The following SERPINE2 variants were observed in gnomAD, a reference collection of about 807,000 sequenced individuals.
SERPINE2 encodes glia-derived nexin.
SERPINE2 carries 14 observed loss-of-function variants against 36.3 expected under a neutral mutation model. The observed-to-expected ratio is 0.39, with a 90% CI of 0.25 to 0.60. SERPINE2 has a LOEUF of 0.60. Among genes scored for constraint, SERPINE2 ranks in the 20% least tolerant of loss-of-function variants. The pLI is 0.57. For synonymous variants in SERPINE2, 192 were observed against 191.8 expected (o/e 1.00, Z -0.01); for missense variants, 418 against 499.6 (o/e 0.84, Z 1.56).
At chr2:224,010,654 C>T (rs976456842) in intron 1 of SERPINE2, among the ~76,000 whole-genome samples, 14 of 152,196 alleles carry the variant, frequency 9.2e-5, no homozygotes, top group African/African-American at 3.1e-4. Flanking sequence ...AGGCAAGTCA[C>T]AATCTTCATC....
At chr2:223,999,565 T>G (rs567056309) in intron 2 of SERPINE2, among the ~76,000 whole-genome samples, 1 of 152,286 alleles carries the variant, frequency 6.6e-6, no homozygotes, top group Non-Finnish European at 1.5e-5. Context: ...TAGATGCCCA[T>G]GACCACACCT....
intron 2 of SERPINE2, 138 bp downstream of exon 2, chr2:224,001,504 C>CG: frequency 1.1e-6 from 1 of 940,488 alleles, no homozygotes; most frequent in East Asian, 2.6e-5. Context: ...AGACTGACCC[C>CG]AAGCCCCAAG....
At position 224,002,995 on chromosome 2, in the gene SERPINE2, A is replaced by G. The variant is rs144773984; in HGVS notation, c.-22-1073T>C. 9.3e-3 allele frequency among the ~76,000 whole-genome samples: 1,411 copies of G among 152,250 alleles called. 16 individuals are homozygous for G. Among genetic ancestry groups the G allele is most frequent in the African/African-American group, 0.031 (1,288 of 41,550 alleles). ...AATAAAGCATTTTCAGAAAAGGATA[A>G]AGAGCACAATGATAAAATACAGGGA... On this transcript the variant is annotated intron_variant, in intron 1 of 8. Transcript: ENST00000409304.
chr2:224,027,083 T>C (rs921584001), intron 1 of SERPINE2, among the ~76,000 whole-genome samples: 8 of 152,210 alleles, frequency 5.3e-5, no homozygotes, highest in Non-Finnish European at 8.8e-5. Flanking sequence ...ACCAGCTATG[T>C]GCCAACATTT....
At position 223,975,891 on chromosome 2, in the gene SERPINE2, G is replaced by A; in HGVS notation, c.1170C>T (p.Phe390=). 6.3e-7 allele frequency: 1 copy of A among 1,597,322 alleles called. No individual in the cohort carries two copies. The highest frequency in any genetic ancestry group is 8.6e-7 in the Non-Finnish European group (1 of 1,168,972). The change falls in exon 9 of 9, where the codon TTC becomes TTT. Residue 390 remains phenylalanine, a synonymous_variant. Coordinates refer to ENST00000409304, the MANE Select transcript of SERPINE2 (RefSeq NM_001136528.2). ...TTCAGGGTTTGTTTATCTGCCCCATGAATAACACAGCACCTACAGAATTAA... is the reference window on the plus strand; with the variant it reads ...TTCAGGGTTTGTTTATCTGCCCCATAAATAACACAGCACCTACAGAATTAA... ...IRHNPTGAVL[F]MGQINKP is the part of the protein sequence containing the mutation.
chr2:224,036,907 G>A (rs1019759431), intron 1 of SERPINE2, among the ~76,000 whole-genome samples: 4 of 152,152 alleles, frequency 2.6e-5, no homozygotes, highest in Non-Finnish European at 5.9e-5. Context: ...CAAGGAGAGA[G>A]AGGCACTGGG....
chr2:224,028,357 G>C (rs1383691523), intron 1 of SERPINE2, among the ~76,000 whole-genome samples: 1 of 152,200 alleles, frequency 6.6e-6, no homozygotes, highest in African/African-American at 2.4e-5. Flanking sequence ...AAAGCACAGA[G>C]AGGGAAGTAT....
chr2:223,986,726 C>T (rs984436054), intron 4 of SERPINE2, among the ~76,000 whole-genome samples: 1 of 152,090 alleles, frequency 6.6e-6, no homozygotes, highest in Admixed American at 6.6e-5. Context: ...GGAATGTGTT[C>T]AAGGGAGGAG....
chr2:223,989,995 G>C (rs1177021326), intron 4 of SERPINE2, among the ~76,000 whole-genome samples: 9 of 152,134 alleles, frequency 5.9e-5, no homozygotes, highest in African/African-American at 2.2e-4. Flanking sequence ...AGGAAGAGAG[G>C]GGTGGTGACC....
At chr2:223,990,648 C>T (rs761398415) in intron 4 of SERPINE2, among the ~76,000 whole-genome samples, 6 of 151,960 alleles carry the variant, frequency 3.9e-5, no homozygotes, top group Non-Finnish European at 7.4e-5. Flanking sequence ...AACACTAACA[C>T]GGCCACCGGC....
chr2:224,025,607 G>GCAATT (rs1218228565), intron 1 of SERPINE2, among the ~76,000 whole-genome samples: 1 of 152,208 alleles, frequency 6.6e-6, no homozygotes, highest in African/African-American at 2.4e-5. Flanking sequence ...CTTCCATGAA[G>GCAATT]CAATTTAGCT....
At chr2:223,977,485 G>T in intron 8 of SERPINE2, 59 bp downstream of exon 8, 1 of 1,061,980 alleles carries the variant, frequency 9.4e-7, no homozygotes. Flanking sequence ...AATGAAGAGT[G>T]CAATATACCT....
chr2:224,029,598 A>G (rs764433172), intron 1 of SERPINE2, among the ~76,000 whole-genome samples: 4 of 152,240 alleles, frequency 2.6e-5, no homozygotes, highest in Non-Finnish European at 5.9e-5. Context: ...ATTTTTTCAC[A>G]GTCAGAAAAA....
In SERPINE2 at chr2:223,998,145, T is replaced by C; in HGVS notation, c.457A>G (p.Ile153Val). ...GTTTCATTTTTAACCCATGCATTGA[T>C]GGAATCACAGGCAGAGGCTGGATCC... ...FEDPASACDS[I>V]NAWVKNETRD... The change falls in exon 3 of 9, where the codon ATC (isoleucine) becomes GTC (valine). Residue 153 changes from isoleucine to valine, a missense_variant. Ile to Val is a conservative substitution (Grantham distance 29). Coordinates refer to ENST00000409304, the MANE Select transcript of SERPINE2 (RefSeq NM_001136528.2). The C allele has an allele frequency of 6.2e-7, 1 of 1,614,218 alleles. No homozygotes were observed. Among genetic ancestry groups the C allele is most frequent in the Non-Finnish European group, 8.5e-7 (1 of 1,180,022 alleles).
rs1006691368 is a variant in SERPINE2, at chr2:223,998,148, A to C, written c.454T>G (p.Ser152Ala). The change falls in exon 3 of 9, where the codon TCC (serine) becomes GCC (alanine). Residue 152 changes from serine to alanine, a missense_variant. Coordinates refer to ENST00000409304, the MANE Select transcript of SERPINE2 (RefSeq NM_001136528.2). The part of the protein sequence containing the change: ...NFEDPASACD[S>A]INAWVKNETR... ...TCATTTTTAACCCATGCATTGATGG[A>C]ATCACAGGCAGAGGCTGGATCCTCA... The C allele has an allele frequency of 6.2e-7, 1 of 1,614,206 alleles. No homozygotes were observed. Among genetic ancestry groups the C allele is most frequent in the Admixed American group, 1.7e-5 (1 of 60,028 alleles).
chr2:223,999,198 A>G (rs976027818), intron 2 of SERPINE2, among the ~76,000 whole-genome samples: 9 of 152,242 alleles, frequency 5.9e-5, no homozygotes, highest in Non-Finnish European at 1.3e-4. Context: ...CTTGGTAACA[A>G]GCTCAAAGAG....
chr2:224,002,150 T>C (rs1691203319), intron 1 of SERPINE2, among the ~76,000 whole-genome samples: 1 of 151,982 alleles, frequency 6.6e-6, no homozygotes, highest in Admixed American at 6.6e-5. Context: ...CTAATTTTTG[T>C]ATTTTTAGTA....
chr2:224,004,403 T>C (rs1417285688), intron 1 of SERPINE2, among the ~76,000 whole-genome samples: 1 of 152,230 alleles, frequency 6.6e-6, no homozygotes, highest in African/African-American at 2.4e-5. Flanking sequence ...AGCTTCATTG[T>C]AAAACAATTG....
intron 1 of SERPINE2, among the ~76,000 whole-genome samples, chr2:224,026,412 T>A (rs1692185485): frequency 6.6e-6 from 1 of 152,232 alleles, no homozygotes; most frequent in Non-Finnish European, 1.5e-5. Context: ...CTCTCTTTTT[T>A]AAAATTTAAC....
Sources: allele counts gnomAD v4.1 joint callset (sites outside exome capture counted in the v4.1 genomes callset), GRCh38; gene constraint gnomAD v4.1.1; transcripts MANE v1.5; gene names NCBI Gene and HGNC (gene_info 2026-07-23, HGNC 2026-07-21).